Variants in TENM4 observed in about 807,000 individuals in gnomAD.
TENM4 encodes teneurin-4.
A neutral mutation model predicts 243.3 loss-of-function variants in TENM4; 82 were observed. The ratio of observed to expected loss-of-function variants is 0.34; its 90% CI spans 0.28 to 0.40. TENM4 has a LOEUF of 0.40. Ranked by LOEUF, TENM4 falls within the 10% of genes least tolerant of loss-of-function variation. The pLI, the probability that TENM4 is intolerant of heterozygous loss-of-function variation, is 1.00. For missense variants in TENM4, 3,138 were observed against 3,673.3 expected, an observed-to-expected ratio of 0.85 and a Z score of 3.77; for synonymous variants, 1,412 against 1,456.3, an observed-to-expected ratio of 0.97 and a Z score of 0.69.
intron 25 of TENM4, among the ~76,000 whole-genome samples, chr11:78,714,074 G>A (rs181122211): frequency 1.4e-3 from 215 of 152,238 alleles, no homozygotes; most frequent in African/African-American, 5.0e-3. Context: ...TAAGAGACTC[G>A]GGACAGACTG....
chr11:78,882,869 T>C (rs1160027628), intron 9 of TENM4, among the ~76,000 whole-genome samples: 5 of 149,138 alleles, frequency 3.4e-5, no homozygotes, highest in Non-Finnish European at 3.0e-5. Context: ...AGGGTTCTGA[T>C]TTTTTTTTTG....
chr11:78,805,282 C>CCCCACCACACCCCCCCCCCCCAAAA lies in TENM4; in HGVS notation c.2179+9_2179+10insTTTTGGGGGGGGGGGGTGTGGTGGG. The stretch of plus-strand genomic sequence containing the variant: ...CCCTCTACCCATGCTTCTTCTCCCC[C>CCCCACCACACCCCCCCCCCCCAAAA]TGCATTTACCGATAGAACAGTCGTG... On this transcript the variant is annotated intron_variant, in intron 15 of 33. Transcript: ENST00000278550. 2 of 995,568 alleles carry CCCCACCACACCCCCCCCCCCCAAAA rather than the reference C, an allele frequency of 2.0e-6. No homozygotes were observed. The highest frequency in any genetic ancestry group is 1.2e-6 in the Non-Finnish European group (1 of 823,790). 61.7% of individuals were successfully genotyped at this position (995,568 alleles called of 1,614,324 possible). A position where few individuals can be genotyped will look rare whatever the true frequency, so the allele number is the denominator to read the frequency against.
chr11:78,771,031 TG>T lies in TENM4; in HGVS notation c.2499del (p.Met834TrpfsTer76), dbSNP rs1208338117. The T allele has an allele frequency of 6.3e-7, 1 of 1,583,938 alleles. No individual in the cohort carries two copies. The highest frequency in any genetic ancestry group is 8.6e-7 in the Non-Finnish European group (1 of 1,165,160). The part of the protein sequence containing the change: ...LGWRGAGCDT[S>X]METACGDSKD... ...TTGCTGTCACCGCAGGCAGTCTCCA[TG>T]GAAGTGTCACAGCCAGCTCCTCTCC... is the stretch of plus-strand genomic sequence containing the variant. On this transcript the variant is annotated frameshift_variant, in exon 18 of 34. Transcript: ENST00000278550. LOFTEE classifies it high-confidence loss of function.
At chr11:78,737,671 T>G (rs1027542037) in intron 20 of TENM4, among the ~76,000 whole-genome samples, 1 of 152,224 alleles carries the variant, frequency 6.6e-6, no homozygotes, top group Non-Finnish European at 1.5e-5. Flanking sequence ...TTTTTTCCTT[T>G]TCTCCAAAAT....
chr11:78,789,187 G>A lies in TENM4; in HGVS notation c.2180-2104C>T, dbSNP rs184696407. Among the ~76,000 whole-genome samples, 698 of 152,164 alleles carry A rather than the reference G, an allele frequency of 4.6e-3. 5 individuals carry two copies. The highest frequency in any genetic ancestry group is 0.015 in the African/African-American group (640 of 41,488). ...GATGGATGAATTACGGTATGCCTGG[G>A]GCTATAGGTGCCTGAGAATGGTAAA... On this transcript the variant is annotated intron_variant, in intron 15 of 33. Transcript: ENST00000278550.
At chr11:78,867,530 G>T (rs1489055752) in intron 9 of TENM4, among the ~76,000 whole-genome samples, 1 of 152,188 alleles carries the variant, frequency 6.6e-6, no homozygotes, top group Admixed American at 6.6e-5. Context: ...AGTTTGCTCT[G>T]CTCTCCTCTT....
intron 10 of TENM4, among the ~76,000 whole-genome samples, chr11:78,857,898 T>C (rs1322782548): frequency 1.3e-5 from 2 of 152,246 alleles, no homozygotes; most frequent in Non-Finnish European, 2.9e-5. Context: ...CCATCAGCTT[T>C]TAATTTTGCT....
chr11:79,357,216 G>A (rs992828748), intron 1 of TENM4, among the ~76,000 whole-genome samples: 1 of 152,220 alleles, frequency 6.6e-6, no homozygotes, highest in African/African-American at 2.4e-5. Flanking sequence ...TCTGAGGACT[G>A]GAGACTTACC....
intron 19 of TENM4, among the ~76,000 whole-genome samples, chr11:78,743,309 A>G (rs564291286): frequency 3.9e-5 from 6 of 152,314 alleles, no homozygotes; most frequent in Non-Finnish European, 7.3e-5. Context: ...GAGCTCCATG[A>G]AGACAGGGAC....
chr11:79,269,347 G>A (rs1194277754), intron 2 of TENM4, among the ~76,000 whole-genome samples: 1 of 152,206 alleles, frequency 6.6e-6, no homozygotes, highest in African/African-American at 2.4e-5. Context: ...CTGCTATTAA[G>A]TGGTTGTATC....
intron 4 of TENM4, among the ~76,000 whole-genome samples, chr11:79,125,563 G>A (rs951109280): frequency 6.6e-6 from 1 of 152,146 alleles, no homozygotes; most frequent in African/African-American, 2.4e-5. Flanking sequence ...CTTGGAATGG[G>A]GGGTGTGTGG....
chr11:78,936,879 T>C (rs987415665), intron 6 of TENM4, among the ~76,000 whole-genome samples: 1 of 152,042 alleles, frequency 6.6e-6, no homozygotes, highest in Non-Finnish European at 1.5e-5. Context: ...TAGGTCAAAA[T>C]CAAGGTGGGG....
At chr11:78,718,891 C>A (rs1859583467) in intron 25 of TENM4, among the ~76,000 whole-genome samples, 1 of 152,130 alleles carries the variant, frequency 6.6e-6, no homozygotes, top group Admixed American at 6.6e-5. Flanking sequence ...ATATATGTTT[C>A]CTCCTTTTTT....
In TENM4 at chr11:78,658,656, T is replaced by C. The variant is rs773915403; in HGVS notation, c.7712A>G (p.Lys2571Arg). Reference protein sequence around the residue: ...SSGSVFGKGVKFALKDGRVTT... With the variant: ...SSGSVFGKGVRFALKDGRVTT... ...CACTCGGCCATCCTTCAAGGCAAACTTGACCCCCTTGCCAAAGACTGAGCC... is the reference window on the plus strand; with the variant it reads ...CACTCGGCCATCCTTCAAGGCAAACCTGACCCCCTTGCCAAAGACTGAGCC... Residue 2571 changes from lysine (K) to arginine (R), a missense_variant, in exon 34 of 34, where the codon AAG (lysine) becomes AGG (arginine). Physicochemically the swap from Lys to Arg is conservative, Grantham distance 26. This residue lies in a region of TENM4 where 2,467 missense variants were observed against 3,059.1 expected (regional missense o/e 0.81). Coordinates refer to ENST00000278550, the MANE Select transcript of TENM4 (RefSeq NM_001098816.3). 1.2e-6 allele frequency: 2 copies of C among 1,614,056 alleles called. No homozygotes were observed. The highest frequency in any genetic ancestry group is 1.1e-5 in the South Asian group (1 of 91,080).
intron 22 of TENM4, among the ~76,000 whole-genome samples, chr11:78,728,657 G>C (rs1855579451): frequency 6.6e-6 from 1 of 152,072 alleles, no homozygotes; most frequent in Non-Finnish European, 1.5e-5. Flanking sequence ...GAACCTAAGG[G>C]AATGAAATTG....
Position 79,072,484 on chromosome 11 carries a change from CAAA to C in TENM4, c.-65-2478_-65-2476del, listed in dbSNP as rs10550784. Among the ~76,000 whole-genome samples, 923 of 148,048 alleles carry C rather than the reference CAAA, an allele frequency of 6.2e-3. 3 individuals are homozygous for C. Among genetic ancestry groups the C allele is most frequent in the African/African-American group, 0.016 (653 of 40,386 alleles). ...GCTGGGCAAGAGTGAGACCCTGTCT[CAAA>C]AAAAAAAAAAAAATTACAATATCTT... On this transcript the variant is annotated intron_variant, in intron 4 of 33. Transcript: ENST00000278550.
At chr11:78,659,809 T>C (rs533808584) in intron 33 of TENM4, among the ~76,000 whole-genome samples, 93 of 152,334 alleles carry the variant, frequency 6.1e-4, no homozygotes, top group Non-Finnish European at 1.2e-3. Flanking sequence ...CTTCTGTGGC[T>C]CACAGAGCTT....
intron 19 of TENM4, among the ~76,000 whole-genome samples, chr11:78,739,371 C>T (rs909393189): frequency 1.3e-5 from 2 of 152,142 alleles, no homozygotes; most frequent in African/African-American, 4.8e-5. Flanking sequence ...ACACCTCTTC[C>T]TTGAAGCCTT....
chr11:79,347,249 C>G (rs966640965), intron 1 of TENM4, among the ~76,000 whole-genome samples: 3 of 152,160 alleles, frequency 2.0e-5, no homozygotes, highest in African/African-American at 7.2e-5. Flanking sequence ...GTCCTTCAGC[C>G]TCTTACCCCC....
Sources: gnomAD v4.1 joint callset for allele counts (sites outside exome capture counted in the v4.1 genomes callset) on GRCh38, gnomAD v4.1.1 for gene constraint, gnomAD v4.1.1 regional missense constraint, MANE v1.5 for transcripts, NCBI Gene and HGNC (gene_info 2026-07-23, HGNC 2026-07-21) for gene names.